Variants in ST8SIA4 observed in about 807,000 individuals in gnomAD.
ST8SIA4 encodes CMP-N-acetylneuraminate-poly-alpha-2,8-sialyltransferase.
ST8SIA4 carries 15 observed loss-of-function variants against 33.9 expected under a neutral mutation model. The observed-to-expected ratio is 0.44, with a 90% CI of 0.30 to 0.68. The LOEUF (loss-of-function observed/expected upper bound fraction) is 0.68, where lower values mean the gene tolerates loss of function less well. Ranked by LOEUF, ST8SIA4 falls within the 30% of genes least tolerant of loss-of-function variation. The pLI, the probability that ST8SIA4 is intolerant of heterozygous loss-of-function variation, is 0.10. For synonymous variants in ST8SIA4, 171 were observed against 151.2 expected (o/e 1.13, Z -0.96); for missense variants, 321 against 428.0 (o/e 0.75, Z 2.21).
At chr5:100,812,228 T>G in intron 4 of ST8SIA4, 99 bp from the exon 5 acceptor site, 1 of 918,340 alleles carries the variant, frequency 1.1e-6, no homozygotes, top group Non-Finnish European at 1.5e-6. Flanking sequence ...AAAAGGTATC[T>G]TTATGAATAA....
At chr5:100,885,517 T>C (rs2112471715) in intron 3 of ST8SIA4, 3 of 934,246 alleles carry the variant, frequency 3.2e-6, no homozygotes, top group Non-Finnish European at 2.6e-6. Context: ...TTTCAACATG[T>C]CAACTCAGCA....
chr5:100,831,838 C>T (rs1751269509), intron 4 of ST8SIA4, among the ~76,000 whole-genome samples: 2 of 152,078 alleles, frequency 1.3e-5, no homozygotes, highest in South Asian at 4.1e-4. Flanking sequence ...CTCGAACTAA[C>T]TTTTCTACAA....
intron 3 of ST8SIA4, among the ~76,000 whole-genome samples, chr5:100,879,973 C>T (rs926864378): frequency 6.6e-6 from 1 of 152,050 alleles, no homozygotes; most frequent in African/African-American, 2.4e-5. Context: ...CCCAGACAAC[C>T]AAGTACATTA....
At chr5:100,823,301 G>T (rs1374428245) in intron 4 of ST8SIA4, among the ~76,000 whole-genome samples, 2 of 152,168 alleles carry the variant, frequency 1.3e-5, no homozygotes. Flanking sequence ...AAAAGGGAAG[G>T]TATGAATAAT....
chr5:100,816,246 T>G (rs530255558), intron 4 of ST8SIA4, among the ~76,000 whole-genome samples: 1 of 152,356 alleles, frequency 6.6e-6, no homozygotes, highest in South Asian at 2.1e-4. Flanking sequence ...AGGTACCTAA[T>G]AAATGCTTAT....
chr5:100,822,913 C>T (rs1212705993), intron 4 of ST8SIA4, among the ~76,000 whole-genome samples: 1 of 152,062 alleles, frequency 6.6e-6, no homozygotes, highest in African/African-American at 2.4e-5. Flanking sequence ...GGGCGGATCA[C>T]GAGGTCAGGA....
chr5:100,900,130 G>GC (rs1752868824), intron 1 of ST8SIA4, among the ~76,000 whole-genome samples: 1 of 152,212 alleles, frequency 6.6e-6, no homozygotes, highest in Non-Finnish European at 1.5e-5. Flanking sequence ...ACCCCCATTT[G>GC]CGGGGGGGAA....
chr5:100,853,481 T>C (rs1006736461), intron 4 of ST8SIA4, among the ~76,000 whole-genome samples: 1 of 152,200 alleles, frequency 6.6e-6, no homozygotes, highest in African/African-American at 2.4e-5. Context: ...AAGTTATTTC[T>C]ACAGAATTCA....
At position 100,807,780 on chromosome 5, in the gene ST8SIA4, T is replaced by C. The variant is rs564123623; in HGVS notation, c.*4067A>G. 1 of 152,554 alleles carries C rather than the reference T, an allele frequency of 6.6e-6. No individual in the cohort carries two copies. The highest frequency in any genetic ancestry group is 1.9e-4 in the East Asian group (1 of 5,202). 9.5% of individuals were successfully genotyped at this position (152,554 alleles called of 1,614,324 possible). A position where few individuals can be genotyped will look rare whatever the true frequency, so the allele number is the denominator to read the frequency against. On this transcript the variant is annotated 3_prime_UTR_variant, in exon 5 of 5. Transcript: ENST00000231461. ...GTTAGCATAACACAAATTTAGTGTA[T>C]ACATATTACAGACTCAGTGTGTATA...
chr5:100,821,805 G>A (rs1751035599), intron 4 of ST8SIA4, among the ~76,000 whole-genome samples: 1 of 152,094 alleles, frequency 6.6e-6, no homozygotes, highest in African/African-American at 2.4e-5. Context: ...ATAGCATTTG[G>A]GGGTTAGTCA....
chr5:100,825,230 A>C (rs1751115750), intron 4 of ST8SIA4, among the ~76,000 whole-genome samples: 1 of 152,294 alleles, frequency 6.6e-6, no homozygotes, highest in East Asian at 1.9e-4. Context: ...GCAATTCTAA[A>C]TATTGCTAAA....
At position 100,901,845 on chromosome 5, in the gene ST8SIA4, A is replaced by ATC. The variant is rs143917604; in HGVS notation, c.113+996_113+997dup. 2.6e-4 allele frequency among the ~76,000 whole-genome samples: 40 copies of ATC among 151,902 alleles called. 1 individual carries two copies. The South Asian group carries it at 5.8e-3, about 22-fold the overall frequency. The stretch of plus-strand genomic sequence containing the variant: ...AGCATGTGTGTGTGTTAGCAGTCCC[A>ATC]TCTCTCTCTCTCTCACACACACATA... On this transcript the variant is annotated intron_variant, in intron 1 of 4. Transcript: ENST00000231461.
At position 100,881,660 on chromosome 5, in the gene ST8SIA4, T is replaced by G. The variant is rs557748450; in HGVS notation, c.503+4683A>C. Among the ~76,000 whole-genome samples the G allele has an allele frequency of 1.3e-4, 20 of 152,344 alleles. No individual in the cohort carries two copies. The South Asian group carries it at 3.3e-3, about 25-fold the overall frequency. On this transcript the variant is annotated intron_variant, in intron 3 of 4. Coordinates refer to ENST00000231461, the MANE Select transcript of ST8SIA4 (RefSeq NM_005668.6). Reference sequence around the variant, plus strand: ...AGGTTCTCACTTGATATAGTTTAGCTGGGTCCCCACCCAAATCTCATCTTG... The same window carrying G: ...AGGTTCTCACTTGATATAGTTTAGCGGGGTCCCCACCCAAATCTCATCTTG...
chr5:100,873,080 C>T (rs7703643), intron 3 of ST8SIA4, among the ~76,000 whole-genome samples: 64,886 of 151,744 alleles, frequency 0.43, 14,782 homozygotes, highest in African/African-American at 0.58. Context: ...GCTGGTCATC[C>T]AAGACCACAC....
chr5:100,894,332 G>C (rs1208752920), intron 2 of ST8SIA4, among the ~76,000 whole-genome samples: 1 of 151,834 alleles, frequency 6.6e-6, no homozygotes, highest in African/African-American at 2.4e-5. Context: ...TTATCCAGTG[G>C]AAATAAATTT....
At chr5:100,837,449 C>T (rs921804624) in intron 4 of ST8SIA4, among the ~76,000 whole-genome samples, 1 of 151,908 alleles carries the variant, frequency 6.6e-6, no homozygotes, top group African/African-American at 2.4e-5. Flanking sequence ...ATTGAGGTGC[C>T]AGTGTGATAG....
chr5:100,819,558 G>A (rs1181769701), intron 4 of ST8SIA4, among the ~76,000 whole-genome samples: 1 of 152,188 alleles, frequency 6.6e-6, no homozygotes, highest in East Asian at 1.9e-4. Flanking sequence ...GGAAGAGATG[G>A]TGCAATGAGA....
rs186730647 is a variant in ST8SIA4 at position 100,869,113 on chromosome 5, G to A, written c.504-12717C>T. ...GTGATCACCTCAAAAGTCGAAACTT[G>A]CTCTTTATATTTGTATCTGAACTTT... On this transcript the variant is annotated intron_variant, in intron 3 of 4. Coordinates refer to ENST00000231461, the MANE Select transcript of ST8SIA4 (RefSeq NM_005668.6). Among the ~76,000 whole-genome samples the A allele has an allele frequency of 2.6e-3, 396 of 152,160 alleles. 1 individual carries two copies. The highest frequency in any genetic ancestry group is 4.6e-3 in the Non-Finnish European group (316 of 67,964).
At chr5:100,823,446 G>T (rs761408305) in intron 4 of ST8SIA4, among the ~76,000 whole-genome samples, 2 of 152,082 alleles carry the variant, frequency 1.3e-5, no homozygotes, top group East Asian at 3.9e-4. Context: ...TCCCTTTACG[G>T]ACTTGCCGTG....
Sources: gnomAD v4.1 joint callset for allele counts (sites outside exome capture counted in the v4.1 genomes callset) on GRCh38, gnomAD v4.1.1 for gene constraint, MANE v1.5 for transcripts, NCBI Gene and HGNC (gene_info 2026-07-23, HGNC 2026-07-21) for gene names.